TAFA5: variants seen among roughly 807,000 people sequenced by gnomAD.
TAFA5 encodes TAFA chemokine like family member 5, also known as chemokine-like protein TAFA-5.
Under a neutral mutation model 15.3 loss-of-function variants are expected in TAFA5, and 6 were observed. The observed-to-expected ratio is 0.39, with a 90% CI of 0.21 to 0.77. The LOEUF is 0.77. Ranked by LOEUF, TAFA5 falls within the 30% of genes least tolerant of loss-of-function variation. The pLI, the probability that TAFA5 is intolerant of heterozygous loss-of-function variation, is 0.41. For synonymous variants in TAFA5, 103 were observed against 80.7 expected (o/e 1.28, Z -1.48); for missense variants, 161 against 193.1 (o/e 0.83, Z 0.98).
chr22:48,724,623 G>T (rs138739339), intron 3 of TAFA5, among the ~76,000 whole-genome samples: 1 of 152,192 alleles, frequency 6.6e-6, no homozygotes, highest in Non-Finnish European at 1.5e-5. Context: ...ACAAGTAAGC[G>T]CTGAAAAGCA....
chr22:48,649,509 A>G lies in TAFA5; in HGVS notation c.262+2763A>G, dbSNP rs989078405. Among the ~76,000 whole-genome samples, 21 of 152,188 alleles carry G rather than the reference A, an allele frequency of 1.4e-4. 1 individual carries two copies. The highest frequency in any genetic ancestry group is 5.9e-4 in the Admixed American group (9 of 15,288). On this transcript the variant is annotated intron_variant, in intron 2 of 3. Transcript: ENST00000402357. ...CCTTGTTTTTGTCCTTATTAAAAAC[A>G]TCTATCAATTTGCATCTGTAGAAGG... is the stretch of plus-strand genomic sequence containing the variant.
At chr22:48,507,990 A>G (rs988642613) in intron 1 of TAFA5, among the ~76,000 whole-genome samples, 4 of 152,130 alleles carry the variant, frequency 2.6e-5, no homozygotes, top group Non-Finnish European at 5.9e-5. Context: ...CCCAGCCCCT[A>G]GAGCCGCCCG....
chr22:48,533,899 A>G (rs1254483123), intron 1 of TAFA5, among the ~76,000 whole-genome samples: 1 of 152,228 alleles, frequency 6.6e-6, no homozygotes, highest in African/African-American at 2.4e-5. Flanking sequence ...TTTGGTGGAA[A>G]GGATGAGCCT....
chr22:48,601,727 C>T (rs1430223880), intron 1 of TAFA5, among the ~76,000 whole-genome samples: 3 of 152,172 alleles, frequency 2.0e-5, no homozygotes, highest in African/African-American at 7.2e-5. Flanking sequence ...TCCTCCCTCC[C>T]CCTCCAGGTA....
intron 2 of TAFA5, among the ~76,000 whole-genome samples, chr22:48,675,456 A>G (rs867964299): frequency 2.1e-4 from 32 of 152,358 alleles, no homozygotes; most frequent in African/African-American, 7.2e-4. Context: ...AGCCCGGCCC[A>G]TACACCCACT....
At chr22:48,565,200 G>GTA (rs1923370019) in intron 1 of TAFA5, among the ~76,000 whole-genome samples, 1 of 152,214 alleles carries the variant, frequency 6.6e-6, no homozygotes, top group Non-Finnish European at 1.5e-5. Flanking sequence ...GAACAGGCAA[G>GTA]AACCCCACTG....
rs150108050 is a variant in TAFA5 at position 48,706,128 on chromosome 22, C to G, written c.263-1589C>G. Among the ~76,000 whole-genome samples, 118 of 152,300 alleles carry G rather than the reference C, an allele frequency of 7.7e-4. 1 individual carries two copies. Among genetic ancestry groups the G allele is most frequent in the Non-Finnish European group, 1.5e-3 (101 of 68,016 alleles). ...GGGCCTGGTGTGGGTGACAGAGAGGCCTTCCCTACTCTGCAGGGCTGGCAA... is the reference window on the plus strand; with the variant it reads ...GGGCCTGGTGTGGGTGACAGAGAGGGCTTCCCTACTCTGCAGGGCTGGCAA... On this transcript the variant is annotated intron_variant, in intron 2 of 3. Transcript: ENST00000402357.
At chr22:48,601,941 G>T (rs1388634568) in intron 1 of TAFA5, among the ~76,000 whole-genome samples, 2 of 148,932 alleles carry the variant, frequency 1.3e-5, no homozygotes, top group South Asian at 2.2e-4. Flanking sequence ...TCGTTGATGG[G>T]CTGTCTCATG....
chr22:48,708,748 T>G (rs919417063), intron 3 of TAFA5, among the ~76,000 whole-genome samples: 2 of 152,214 alleles, frequency 1.3e-5, no homozygotes, highest in African/African-American at 2.4e-5. Flanking sequence ...CAGGGAGATC[T>G]GTGGCTGGGC....
chr22:48,513,203 C>G (rs145216229), intron 1 of TAFA5, among the ~76,000 whole-genome samples: 7 of 152,220 alleles, frequency 4.6e-5, no homozygotes, highest in African/African-American at 1.7e-4. Context: ...TACAGGAAGT[C>G]CTCACTCCGC....
intron 1 of TAFA5, among the ~76,000 whole-genome samples, chr22:48,642,787 G>A (rs1287982502): frequency 1.3e-5 from 2 of 151,904 alleles, no homozygotes; most frequent in South Asian, 2.1e-4. Flanking sequence ...ATTCACATGT[G>A]GGGGGTGTGT....
intron 1 of TAFA5, among the ~76,000 whole-genome samples, chr22:48,563,986 T>C (rs1923325466): frequency 6.6e-6 from 1 of 152,040 alleles, no homozygotes; most frequent in Admixed American, 6.5e-5. Flanking sequence ...GTACAAAGAG[T>C]GCATTGTACA....
rs1327972168 is a variant in TAFA5, at chr22:48,489,927, C to A, written c.112+223C>A. ...CACTTCGGGGTCGGACGCCCCGGCC[C>A]GAGCCTCCCTTCCCTGACTCCCCGG... On this transcript the variant is annotated intron_variant, in intron 1 of 3. Transcript: ENST00000402357. The surrounding 1 kb of genome is among the most constrained non-coding windows in gnomAD (Gnocchi z 5.5). 6.6e-6 allele frequency among the ~76,000 whole-genome samples: 1 copy of A among 151,878 alleles called. No individual in the cohort carries two copies. Among genetic ancestry groups the A allele is most frequent in the African/African-American group, 2.4e-5 (1 of 41,404 alleles).
At chr22:48,674,168 T>G (rs1024317828) in intron 2 of TAFA5, among the ~76,000 whole-genome samples, 2 of 152,192 alleles carry the variant, frequency 1.3e-5, no homozygotes, top group African/African-American at 4.8e-5. Context: ...GGTGCAGATG[T>G]AGGTCCCGGT....
chr22:48,593,859 G>C (rs1222456034), intron 1 of TAFA5, among the ~76,000 whole-genome samples: 1 of 152,138 alleles, frequency 6.6e-6, no homozygotes, highest in East Asian at 1.9e-4. Flanking sequence ...GTGCAACTGT[G>C]AGCATCCGAG....
At chr22:48,749,817 T>C (rs763178413) in intron 3 of TAFA5, 22 bp from the exon 4 acceptor site, 2 of 1,497,382 alleles carry the variant, frequency 1.3e-6, no homozygotes, top group South Asian at 1.2e-5. Flanking sequence ...AGGCTCACCC[T>C]CTCTCTCTCT....
At chr22:48,536,487 T>C (rs1312626450) in intron 1 of TAFA5, among the ~76,000 whole-genome samples, 2 of 152,232 alleles carry the variant, frequency 1.3e-5, no homozygotes, top group South Asian at 2.1e-4. Flanking sequence ...GAGGAACATA[T>C]GGCTCAGGCG....
rs1448411775 is a variant in TAFA5 at position 48,598,081 on chromosome 22, T to G, written c.113-48516T>G. ...CTTCTGCAGTTTCAGAGGCTGTCAG[T>G]ATGACATCTGCAGGGAAGAGGGCAG... On this transcript the variant is annotated intron_variant, in intron 1 of 3. Transcript: ENST00000402357. This position sits in a 1 kb window ranked among gnomAD's most constrained non-coding sequence, Gnocchi z 4.0. Among the ~76,000 whole-genome samples, 1 of 152,086 alleles carries G rather than the reference T, an allele frequency of 6.6e-6. No individual in the cohort carries two copies. Among genetic ancestry groups the G allele is most frequent in the Non-Finnish European group, 1.5e-5 (1 of 68,004 alleles).
At chr22:48,551,730 G>A (rs1450470718) in intron 1 of TAFA5, among the ~76,000 whole-genome samples, 6 of 151,770 alleles carry the variant, frequency 4.0e-5, no homozygotes, top group South Asian at 2.1e-4. Context: ...GAGGGGAGAC[G>A]GGGGCTAAGG....
Sources: gnomAD v4.1 joint callset for allele counts (sites outside exome capture counted in the v4.1 genomes callset) on GRCh38, gnomAD v4.1.1 for gene constraint, Gnocchi (gnomAD v3.1) non-coding constraint, MANE v1.5 for transcripts, NCBI Gene and HGNC (gene_info 2026-07-23, HGNC 2026-07-21) for gene names.